Variants in KTN1 observed in about 807,000 individuals in gnomAD.
KTN1 encodes kinectin.
Under a neutral mutation model 222.5 loss-of-function variants are expected in KTN1, and 130 were observed. That is an observed-to-expected ratio of 0.58 (90% CI 0.51 to 0.68). The LOEUF is 0.68. Ranked by LOEUF, KTN1 falls within the 30% of genes least tolerant of loss-of-function variation. KTN1 has a pLI of 0.00. For synonymous variants in KTN1, 512 were observed against 496.3 expected (o/e 1.03, Z -0.42); for missense variants, 1,508 against 1,500.4 (o/e 1.01, Z -0.08).
intron 5 of KTN1, among the ~76,000 whole-genome samples, chr14:55,623,365 CTTGA>C (rs1418937265): frequency 6.6e-6 from 1 of 152,162 alleles, no homozygotes; most frequent in Non-Finnish European, 1.5e-5. Context: ...AAGGAACTTT[CTTGA>C]TTATTTTTAT....
intron 12 of KTN1, 63 bp downstream of exon 12, chr14:55,637,910 TG>T: frequency 4.0e-6 from 5 of 1,253,756 alleles, no homozygotes; most frequent in Non-Finnish European, 4.6e-6. Flanking sequence ...CTCACCTGAA[TG>T]TCTGTTGAGT....
chr14:55,638,980 G>A (rs2041455685), intron 12 of KTN1, among the ~76,000 whole-genome samples: 1 of 151,750 alleles, frequency 6.6e-6, no homozygotes, highest in Non-Finnish European at 1.5e-5. Flanking sequence ...CTTGTGATAT[G>A]TAATTCGTGA....
At chr14:55,663,766 G>A (rs1362509880) in intron 32 of KTN1, 189 bp from the exon 33 acceptor site, 1 of 518,312 alleles carries the variant, frequency 1.9e-6, no homozygotes, top group Non-Finnish European at 3.4e-6. Flanking sequence ...ATGGAAAGTG[G>A]GCGTCTTTAT....
chr14:55,650,004 A>C (rs573160863), intron 22 of KTN1, among the ~76,000 whole-genome samples, 191 bp downstream of exon 22: 27 of 151,880 alleles, frequency 1.8e-4, no homozygotes, highest in African/African-American at 6.5e-4. Flanking sequence ...TAAAAAAAAA[A>C]AAACAAAAAA....
At chr14:55,629,514 A>G (rs1414903566) in intron 6 of KTN1, among the ~76,000 whole-genome samples, 1 of 150,914 alleles carries the variant, frequency 6.6e-6, no homozygotes, top group Non-Finnish European at 1.5e-5. Flanking sequence ...TGACTCTGCT[A>G]TAGACATCTT....
intron 1 of KTN1, among the ~76,000 whole-genome samples, chr14:55,602,665 T>A (rs573833570): frequency 6.6e-6 from 1 of 152,058 alleles, no homozygotes; most frequent in African/African-American, 2.4e-5. Context: ...TACTATAGCC[T>A]TGAGCTTCTG....
chr14:55,625,984 C>T (rs1327732814), intron 5 of KTN1, among the ~76,000 whole-genome samples: 1 of 152,068 alleles, frequency 6.6e-6, no homozygotes, highest in African/African-American at 2.4e-5. Context: ...TCAAGGGATT[C>T]AATTTCTTTG....
At chr14:55,635,114 G>T (rs1017755416) in intron 9 of KTN1, among the ~76,000 whole-genome samples, 1 of 152,088 alleles carries the variant, frequency 6.6e-6, no homozygotes, top group African/African-American at 2.4e-5. Context: ...TGTGTATATA[G>T]GTTTGAAAAA....
chr14:55,651,701 AT>A, intron 24 of KTN1, 188 bp from the exon 25 acceptor site: 1 of 535,578 alleles, frequency 1.9e-6, no homozygotes, highest in South Asian at 2.9e-5. Flanking sequence ...CCCCCTTATT[AT>A]TTTTAGTTTA....
intron 37 of KTN1, 179 bp from the exon 38 acceptor site, chr14:55,672,451 C>T (rs2045533725): frequency 1.9e-6 from 1 of 513,666 alleles, no homozygotes; most frequent in Admixed American, 3.7e-5. Context: ...TAGGTTTGGA[C>T]CACAATTTAA....
chr14:55,633,117 A>G (rs148263491), intron 7 of KTN1, 118 bp from the exon 8 acceptor site: 30 of 475,094 alleles, frequency 6.3e-5, no homozygotes, highest in African/African-American at 5.6e-4. Context: ...TTTGAGAAGA[A>G]TGATTCAAAC....
intron 1 of KTN1, among the ~76,000 whole-genome samples, chr14:55,587,187 ATGAT>A (rs1465438543): frequency 6.6e-6 from 1 of 152,190 alleles, no homozygotes; most frequent in African/African-American, 2.4e-5. Flanking sequence ...ATGCTTGAAA[ATGAT>A]TGGGACTCAT....
chr14:55,618,841 A>G (rs2038750935), intron 4 of KTN1, among the ~76,000 whole-genome samples: 1 of 152,202 alleles, frequency 6.6e-6, no homozygotes, highest in African/African-American at 2.4e-5. Flanking sequence ...GTGTGCAAGG[A>G]TTATTAAAGT....
At chr14:55,589,429 C>T (rs1012754766) in intron 1 of KTN1, among the ~76,000 whole-genome samples, 6 of 151,774 alleles carry the variant, frequency 4.0e-5, no homozygotes, top group African/African-American at 1.5e-4. Context: ...GATTCTACTG[C>T]CTCCTGAGTA....
In KTN1 at chr14:55,580,323, GTCTTCCCGGTC is replaced by G. The variant is rs1251822461; in HGVS notation, c.-59_-49del. The G allele has an allele frequency of 2.7e-5, 4 of 148,820 alleles. No individual in the cohort carries two copies. The highest frequency in any genetic ancestry group is 4.9e-5 in the African/African-American group (2 of 40,884). 9.2% of individuals were successfully genotyped at this position (148,820 alleles called of 1,614,324 possible). ...CGGGCTGTAGTGCCGGCGCCGCCGCGTCTTCCCGGTCTCCTTTCCCGGCCGCACAGGGTGAG... is the reference window on the plus strand; with the variant it reads ...CGGGCTGTAGTGCCGGCGCCGCCGCGTCCTTTCCCGGCCGCACAGGGTGAG... On this transcript the variant is annotated 5_prime_UTR_variant, in exon 1 of 44. Coordinates refer to ENST00000395314, the MANE Select transcript of KTN1 (RefSeq NM_001079521.2).
intron 40 of KTN1, chr14:55,673,512 A>T (rs1045451278): frequency 7.0e-6 from 2 of 287,368 alleles, no homozygotes; most frequent in Non-Finnish European, 6.4e-6. Flanking sequence ...TCCATGTTTT[A>T]TAAATCCTAT....
chr14:55,678,596 T>A (rs1227720879), intron 42 of KTN1, 152 bp downstream of exon 42: 1 of 605,998 alleles, frequency 1.7e-6, no homozygotes, highest in African/African-American at 1.8e-5. Context: ...TTGATCTCAT[T>A]TTTGCTTATT....
intron 40 of KTN1, chr14:55,674,440 G>C (rs552504524): frequency 6.6e-6 from 1 of 150,974 alleles, no homozygotes; most frequent in East Asian, 2.0e-4. Context: ...CATACACACA[G>C]AGCCCTACAC....
At chr14:55,627,567 T>C (rs913160642) in intron 5 of KTN1, among the ~76,000 whole-genome samples, 1 of 152,160 alleles carries the variant, frequency 6.6e-6, no homozygotes, top group African/African-American at 2.4e-5. Context: ...CAACCTGTCA[T>C]CTACATTAGG....
Sources: allele counts gnomAD v4.1 joint callset (sites outside exome capture counted in the v4.1 genomes callset), GRCh38; gene constraint gnomAD v4.1.1; transcripts MANE v1.5; gene names NCBI Gene and HGNC (gene_info 2026-07-23, HGNC 2026-07-21).